Variants in FAT1 observed in about 807,000 individuals in gnomAD.
FAT1 encodes FAT atypical cadherin 1.
Under a neutral mutation model 329.8 loss-of-function variants are expected in FAT1, and 171 were observed. That is an observed-to-expected ratio of 0.52 (90% CI 0.46 to 0.59). FAT1 has a LOEUF of 0.59. FAT1 is among the 20% of genes least tolerant of loss of function. The probability of loss-of-function intolerance (pLI) is 0.00; values close to 1 mark genes in which losing one functional copy is unlikely to be tolerated. For missense variants in FAT1, 5,672 were observed against 5,774.4 expected (o/e 0.98, Z 0.57); for synonymous variants, 2,233 against 2,228.6 (o/e 1.00, Z -0.06).
At chr4:186,716,832 G>A (rs1430634186) in intron 1 of FAT1, among the ~76,000 whole-genome samples, 1 of 152,180 alleles carries the variant, frequency 6.6e-6, no homozygotes, top group African/African-American at 2.4e-5. Flanking sequence ...CACCTAGACT[G>A]GAGCACAGCG....
chr4:186,708,708 C>T lies in FAT1; in HGVS notation c.1120G>A (p.Ala374Thr), dbSNP rs769769405. 2.5e-6 allele frequency: 4 copies of T among 1,613,888 alleles called. No homozygotes were observed. The highest frequency in any genetic ancestry group is 2.2e-5 in the South Asian group (2 of 91,074). Residue 374 changes from alanine to threonine, a missense_variant, in exon 2 of 27, where the codon GCA becomes ACA. This residue lies in a region of FAT1 where 3,966 missense variants were observed against 3,915.2 expected (regional missense o/e 1.01). Coordinates refer to ENST00000441802, the MANE Select transcript of FAT1 (RefSeq NM_005245.4). ...GGAGGAGCAAATTCACTTATTTCTG[C>T]TCTGTAAACATCCTTTTCAAACTTG... Reference protein sequence around the residue: ...PVKFEKDVYRAEISEFAPPNT... With the variant: ...PVKFEKDVYRTEISEFAPPNT...
In FAT1 at chr4:186,709,433, C is replaced by G. The variant is rs770123806; in HGVS notation, c.395G>C (p.Arg132Pro). Residue 132 changes from arginine to proline, a missense_variant, in exon 2 of 27, where the codon CGA becomes CCA. Arg to Pro is a moderately radical substitution (Grantham distance 103, BLOSUM62 -2). Transcript: ENST00000441802. ...CAGCACCTGCACCCTGACCTTTGTTCGCGCCTCCACATTAGTATTTTTTTC... is the reference window on the plus strand; with the variant it reads ...CAGCACCTGCACCCTGACCTTTGTTGGCGCCTCCACATTAGTATTTTTTTC... The part of the protein sequence containing the change: ...ALEKNTNVEA[R>P]TKVRVQVLDT... The G allele has an allele frequency of 1.9e-6, 3 of 1,613,884 alleles. No homozygotes were observed. The highest frequency in any genetic ancestry group is 2.2e-5 in the South Asian group (2 of 91,074).
Position 186,618,527 on chromosome 4 carries a change from C to T in FAT1, c.8059G>A (p.Val2687Ile), listed in dbSNP as rs1560939077. ...DNGSPSKESV[V>I]LVYVKILPPE... ...GGAAGGATTTTAACATAGACAAGAACAACAGATTCTTTTGATGGAGACCCA... is the reference window on the plus strand; with the variant it reads ...GGAAGGATTTTAACATAGACAAGAATAACAGATTCTTTTGATGGAGACCCA... The change falls in exon 10 of 27, where the codon GTT (valine) becomes ATT (isoleucine). Residue 2687 changes from valine to isoleucine, a missense_variant. This residue lies in a region of FAT1 where 3,966 missense variants were observed against 3,915.2 expected (regional missense o/e 1.01). Transcript: ENST00000441802. The T allele has an allele frequency of 6.2e-7, 1 of 1,614,026 alleles. No individual in the cohort carries two copies. The highest frequency in any genetic ancestry group is 8.5e-7 in the Non-Finnish European group (1 of 1,179,888).
intron 14 of FAT1, 82 bp downstream of exon 14, chr4:186,611,304 C>T: frequency 7.6e-7 from 1 of 1,323,318 alleles, no homozygotes; most frequent in Non-Finnish European, 1.0e-6. Flanking sequence ...CACAGGGTCA[C>T]TTAATACAAG....
chr4:186,625,333 C>T (rs1415824364), intron 9 of FAT1, among the ~76,000 whole-genome samples: 2 of 152,200 alleles, frequency 1.3e-5, no homozygotes, highest in Non-Finnish European at 2.9e-5. Context: ...AACTACACTA[C>T]ATTTTAACAC....
chr4:186,592,691 A>AC, intron 26 of FAT1: 1 of 456,764 alleles, frequency 2.2e-6, no homozygotes, highest in Non-Finnish European at 4.4e-6. Context: ...TTACAACTGT[A>AC]CCTTCTGTGC....
At chr4:186,633,419 T>C (rs967973045) in intron 7 of FAT1, among the ~76,000 whole-genome samples, 3 of 152,184 alleles carry the variant, frequency 2.0e-5, no homozygotes, top group Admixed American at 6.5e-5. Flanking sequence ...AATTCGAAGA[T>C]TTTGATGGTA....
At chr4:186,701,002 C>T (rs1279629788) in intron 2 of FAT1, among the ~76,000 whole-genome samples, 5 of 152,204 alleles carry the variant, frequency 3.3e-5, no homozygotes, top group Admixed American at 6.5e-5. Flanking sequence ...GCACGGTAAG[C>T]GTCACTGCGT....
rs1363604540 is a variant in FAT1 at position 186,621,483 on chromosome 4, T to C, written c.5103A>G (p.Ile1701Met). Residue 1701 changes from isoleucine to methionine, a missense_variant, in exon 10 of 27, where the codon ATA (isoleucine) becomes ATG (methionine). Ile to Met is a conservative substitution (Grantham distance 10, BLOSUM62 1). This residue lies in a region of FAT1 where 3,966 missense variants were observed against 3,915.2 expected (regional missense o/e 1.01). Coordinates refer to ENST00000441802, the MANE Select transcript of FAT1 (RefSeq NM_005245.4). The part of the protein sequence containing the change: ...AHSQSSVVYE[I>M]KDGNTGDAFD... ...AAGCATCACCTGTATTTCCATCTTT[T>C]ATTTCATACACCACTGATGATTGAC... 3.7e-6 allele frequency: 6 copies of C among 1,613,938 alleles called. No individual in the cohort carries two copies. Among genetic ancestry groups the C allele is most frequent in the Non-Finnish European group, 5.1e-6 (6 of 1,179,902 alleles).
chr4:186,711,844 C>T (rs1273205526), intron 1 of FAT1, among the ~76,000 whole-genome samples: 2 of 152,042 alleles, frequency 1.3e-5, no homozygotes, highest in Non-Finnish European at 2.9e-5. Flanking sequence ...CACTTGAACC[C>T]GGGAGGCAGA....
At chr4:186,646,004 C>CACAT (rs1491403367) in intron 3 of FAT1, among the ~76,000 whole-genome samples, 3,554 of 134,988 alleles carry the variant, frequency 0.026, 118 homozygotes, top group Middle Eastern at 0.086. Context: ...CACACACACA[C>CACAT]ATGAAAGATG....
Position 186,619,119 on chromosome 4 carries a change from A to G in FAT1, c.7467T>C (p.Ser2489=), listed in dbSNP as rs776103383. The G allele has an allele frequency of 1.9e-6, 3 of 1,613,880 alleles. No individual in the cohort carries two copies. The highest frequency in any genetic ancestry group is 2.5e-6 in the Non-Finnish European group (3 of 1,179,902). ...CATATTCGTTCTGAAGGAAAGCAGGACTGTGCAAATTGCCTCCAATTACAG... is the reference window on the plus strand; with the variant it reads ...CATATTCGTTCTGAAGGAAAGCAGGGCTGTGCAAATTGCCTCCAATTACAG... ...HVTVIGGNLH[S]PAFLQNEYEV... The change falls in exon 10 of 27, where the codon AGT becomes AGC. Residue 2489 remains serine (S), a synonymous_variant. Transcript: ENST00000441802.
intron 2 of FAT1, among the ~76,000 whole-genome samples, chr4:186,705,107 T>C (rs950698217): frequency 9.4e-6 from 1 of 106,216 alleles, no homozygotes; most frequent in East Asian, 2.9e-4. Context: ...CACCCCAGCA[T>C]TTTTTTTTTT....
At chr4:186,622,739 C>T (rs1449671458) in intron 9 of FAT1, among the ~76,000 whole-genome samples, 1 of 152,136 alleles carries the variant, frequency 6.6e-6, no homozygotes, top group African/African-American at 2.4e-5. Context: ...ATCAGGGTGG[C>T]GTTGCAGGTT....
In FAT1 at chr4:186,606,231, A is replaced by G. The variant is rs760535021; in HGVS notation, c.10207-18T>C. 1 of 1,612,778 alleles carries G rather than the reference A, an allele frequency of 6.2e-7. No homozygotes were observed. Among genetic ancestry groups the G allele is most frequent in the South Asian group, 1.1e-5 (1 of 90,868 alleles). On this transcript the variant is annotated intron_variant, in intron 16 of 26. Transcript: ENST00000441802. ...CCTGAAATCTTTTCAGGCAAAAGAC[A>G]GAATGCACGTTCATTTTCACAAGGC...
At chr4:186,646,814 G>A (rs1179703631) in intron 3 of FAT1, among the ~76,000 whole-genome samples, 1 of 151,964 alleles carries the variant, frequency 6.6e-6, no homozygotes. Context: ...TCTGCTATGA[G>A]TCTCCACTTG....
rs756035310 is a variant in FAT1, at chr4:186,618,796, C to T, written c.7790G>A (p.Arg2597Gln). Residue 2597 changes from arginine to glutamine, a missense_variant, in exon 10 of 27, where the codon CGA becomes CAA. By Grantham distance (43) the Arg-to-Gln change is conservative. Transcript: ENST00000441802. ...TDDNDNAPQFRATKYEVNIGS... is the reference protein window; with the variant it reads ...TDDNDNAPQFQATKYEVNIGS... ...GATATTCACTTCGTATTTGGTTGCTCGAAATTGTGGTGCATTGTCATTGTC... is the reference window on the plus strand; with the variant it reads ...GATATTCACTTCGTATTTGGTTGCTTGAAATTGTGGTGCATTGTCATTGTC... 7 of 1,613,952 alleles carry T rather than the reference C, an allele frequency of 4.3e-6. No individual in the cohort carries two copies. The highest frequency in any genetic ancestry group is 5.9e-6 in the Non-Finnish European group (7 of 1,179,882).
At chr4:186,673,033 C>T (rs1742803400) in intron 2 of FAT1, among the ~76,000 whole-genome samples, 1 of 152,120 alleles carries the variant, frequency 6.6e-6, no homozygotes, top group African/African-American at 2.4e-5. Context: ...ATATTAATTA[C>T]ACAGAAGAAT....
chr4:186,612,145 T>A (rs1488805692), intron 13 of FAT1, among the ~76,000 whole-genome samples: 1 of 151,220 alleles, frequency 6.6e-6, no homozygotes, highest in African/African-American at 2.4e-5. Context: ...CCAAACAAAA[T>A]TTTTTTAGAA....
Sources: allele counts gnomAD v4.1 joint callset (sites outside exome capture counted in the v4.1 genomes callset), GRCh38; gene constraint gnomAD v4.1.1; regional missense constraint gnomAD v4.1.1; transcripts MANE v1.5; gene names NCBI Gene and HGNC (gene_info 2026-07-23, HGNC 2026-07-21).